Variants in AGBL1 observed in about 807,000 individuals in gnomAD.
The protein encoded by AGBL1 is AGBL carboxypeptidase 1.
Under a neutral mutation model 118.9 loss-of-function variants are expected in AGBL1, and 130 were observed. The observed-to-expected ratio is 1.09, with a 90% CI of 0.95 to 1.26. The LOEUF is 1.26. Among genes scored for constraint, AGBL1 ranks in the 50% most tolerant of loss-of-function variants. The pLI is 0.00. For missense variants in AGBL1, 1,584 were observed against 1,298.1 expected (o/e 1.22, Z -3.38); for synonymous variants, 555 against 478.9 (o/e 1.16, Z -2.08).
intron 22 of AGBL1, among the ~76,000 whole-genome samples, chr15:86,752,593 C>T (rs1287858263): frequency 1.3e-5 from 2 of 152,018 alleles, no homozygotes; most frequent in Non-Finnish European, 2.9e-5. Flanking sequence ...TGTTTCTGCT[C>T]CAGGCTCTAC....
In AGBL1 at chr15:87,004,807, G is replaced by T. The variant is rs142083983; in HGVS notation, c.3323+16719G>T. 4.3e-3 allele frequency among the ~76,000 whole-genome samples: 650 copies of T among 152,122 alleles called. 10 individuals are homozygous for T. Among genetic ancestry groups the T allele is most frequent in the African/African-American group, 0.015 (632 of 41,492 alleles). ...ATTGATGGTCTTTCTTTACAATTTGGCATGATTTTGCAGTGGCTGGTTCCG... is the reference window on the plus strand; with the variant it reads ...ATTGATGGTCTTTCTTTACAATTTGTCATGATTTTGCAGTGGCTGGTTCCG... On this transcript the variant is annotated intron_variant, in intron 24 of 24. Transcript: ENST00000441037.
intron 17 of AGBL1, among the ~76,000 whole-genome samples, chr15:86,393,474 G>C (rs1323617076): frequency 6.6e-6 from 1 of 152,088 alleles, no homozygotes; most frequent in African/African-American, 2.4e-5. Flanking sequence ...CAAAGAGAGT[G>C]ATGTGGAATT....
At chr15:86,755,689 T>C (rs78052161) in intron 22 of AGBL1, among the ~76,000 whole-genome samples, 6,388 of 152,250 alleles carry the variant, frequency 0.042, 243 homozygotes, top group East Asian at 0.11. Context: ...TTCCTTCATG[T>C]ACTTTCCTGC....
At chr15:86,162,073 C>T (rs1407457463) in intron 5 of AGBL1, among the ~76,000 whole-genome samples, 1 of 152,158 alleles carries the variant, frequency 6.6e-6, no homozygotes, top group African/African-American at 2.4e-5. Context: ...GAGATGAGAA[C>T]GTCCTGCCAA....
intron 24 of AGBL1, among the ~76,000 whole-genome samples, chr15:87,003,558 G>A (rs570631961): frequency 1.3e-4 from 20 of 152,102 alleles, no homozygotes; most frequent in African/African-American, 2.9e-4. Context: ...AATGGTACCC[G>A]CTCCTCCTTG....
At chr15:86,825,892 GATAGATAGATAGATAGATA>G (rs2079005254) in intron 22 of AGBL1, among the ~76,000 whole-genome samples, 1 of 6,230 alleles carries the variant, frequency 1.6e-4, no homozygotes, top group African/African-American at 3.4e-4. Context: ...TGGATGGATA[GATAGATAGATAGATAGATA>G]GATAGATAGA....
chr15:86,471,941 A>G (rs750810158), intron 18 of AGBL1, among the ~76,000 whole-genome samples: 3 of 152,196 alleles, frequency 2.0e-5, no homozygotes, highest in Non-Finnish European at 2.9e-5. Context: ...TTATCTGAGT[A>G]AACCATAAAT....
chr15:86,896,911 C>G (rs2080137624), intron 22 of AGBL1, among the ~76,000 whole-genome samples: 1 of 152,150 alleles, frequency 6.6e-6, no homozygotes, highest in Admixed American at 6.6e-5. Context: ...CTTTGGATTT[C>G]CTAGACTTTC....
intron 1 of AGBL1, among the ~76,000 whole-genome samples, chr15:86,088,649 G>A (rs996507580): frequency 2.0e-5 from 3 of 152,222 alleles, no homozygotes; most frequent in African/African-American, 4.8e-5. Flanking sequence ...GCCAGTGGGT[G>A]TGCCACTCAA....
intron 17 of AGBL1, among the ~76,000 whole-genome samples, chr15:86,328,523 A>G (rs950222036): frequency 8.5e-5 from 13 of 152,226 alleles, no homozygotes; most frequent in African/African-American, 3.1e-4. Context: ...AAATAGAATG[A>G]TAGTGCACAA....
chr15:86,191,395 A>T (rs894847532), intron 5 of AGBL1, among the ~76,000 whole-genome samples: 11 of 151,334 alleles, frequency 7.3e-5, no homozygotes, highest in African/African-American at 2.4e-4. Flanking sequence ...TTAAGAGCAC[A>T]AATTCTCCTT....
intron 18 of AGBL1, among the ~76,000 whole-genome samples, chr15:86,506,676 C>T (rs1021787024): frequency 1.6e-4 from 24 of 151,996 alleles, no homozygotes; most frequent in East Asian, 9.7e-4. Flanking sequence ...AATTCAGAAC[C>T]GATGACAGAG....
At chr15:87,029,601 CTA>C (rs1187812378), downstream of AGBL1, among the ~76,000 whole-genome samples, 1 of 151,802 alleles carries the variant, frequency 6.6e-6, no homozygotes, top group Non-Finnish European at 1.5e-5. Context: ...TATGAGATGA[CTA>C]TAGTTATATG....
intron 22 of AGBL1, among the ~76,000 whole-genome samples, chr15:86,802,132 C>T (rs567056131): frequency 6.6e-6 from 1 of 152,106 alleles, no homozygotes; most frequent in East Asian, 1.9e-4. Flanking sequence ...ATGAGTCTCA[C>T]TGAATGATTC....
chr15:86,464,069 A>T (rs751329247), intron 18 of AGBL1, among the ~76,000 whole-genome samples: 10 of 152,188 alleles, frequency 6.6e-5, no homozygotes, highest in African/African-American at 2.2e-4. Flanking sequence ...CTTTCTATCC[A>T]TGAGCATGGA....
chr15:86,364,958 C>CACACATATATATATATAT (rs1474501613), intron 17 of AGBL1, among the ~76,000 whole-genome samples: 2 of 76,134 alleles, frequency 2.6e-5, no homozygotes, highest in African/African-American at 7.7e-5. Flanking sequence ...ATATGTCACA[C>CACACATATATATATATAT]ATATATATAT....
chr15:86,604,201 TA>T (rs1009291994), intron 21 of AGBL1, among the ~76,000 whole-genome samples: 3 of 152,018 alleles, frequency 2.0e-5, no homozygotes, highest in African/African-American at 4.8e-5. Flanking sequence ...AGCAAAGAAA[TA>T]AAAATTACAA....
chr15:86,262,832 C>A lies in AGBL1; in HGVS notation c.1024C>A (p.Arg342=), dbSNP rs200285527. 3.7e-6 allele frequency: 6 copies of A among 1,611,068 alleles called. No individual in the cohort carries two copies. The South Asian group carries it at 5.6e-5, about 15-fold the overall frequency. The change falls in exon 10 of 23, where the codon CGA becomes AGA. Residue 342 remains arginine (R), a synonymous_variant. Transcript: ENST00000614907. ...GCTGAGTTCCAAACCTGGTCTTGAC[C>A]GACCTGAAGAGGAACTGATGCAATA... ...NKLSSKPGLD[R]PEEELMQYEV...
chr15:86,347,207 A>C (rs374325491), intron 17 of AGBL1, among the ~76,000 whole-genome samples: 1 of 152,208 alleles, frequency 6.6e-6, no homozygotes, highest in Non-Finnish European at 1.5e-5. Flanking sequence ...AGGAGAAGTG[A>C]TCTACTAAAT....
Sources: allele counts gnomAD v4.1 joint callset (sites outside exome capture counted in the v4.1 genomes callset), GRCh38; gene constraint gnomAD v4.1.1; transcripts MANE v1.5; gene names NCBI Gene and HGNC (gene_info 2026-07-23, HGNC 2026-07-21).